The following NISCH variants were observed in gnomAD, a reference collection of about 807,000 sequenced individuals.
NISCH encodes the protein I-1 receptor candidate protein.
Under a neutral mutation model 138.4 loss-of-function variants are expected in NISCH, and 55 were observed. The observed-to-expected ratio is 0.40, with a 90% CI of 0.32 to 0.50. The LOEUF is 0.50. NISCH is among the 20% of genes least tolerant of loss of function. The pLI is 0.71. For missense variants in NISCH, 1,643 were observed against 2,005.5 expected, an observed-to-expected ratio of 0.82 and a Z score of 3.45; for synonymous variants, 860 against 861.5, an observed-to-expected ratio of 1.00 and a Z score of 0.03.
intron 8 of NISCH, among the ~76,000 whole-genome samples, 196 bp downstream of exon 8, chr3:52,476,795 A>T (rs1463584103): frequency 6.6e-6 from 1 of 152,156 alleles, no homozygotes; most frequent in Non-Finnish European, 1.5e-5. Context: ...GCACTTTGGG[A>T]GGCCGAGGCG....
intron 17 of NISCH, 90 bp from the exon 18 acceptor site, chr3:52,489,985 C>G: frequency 6.5e-7 from 1 of 1,543,796 alleles, no homozygotes; most frequent in Non-Finnish European, 8.8e-7. Flanking sequence ...AGAGGGGCTT[C>G]CCATGTCTCC....
rs1486214450 is a variant in NISCH at position 52,493,052 on chromosome 3, CAG to C, written c.*573_*574del. The C allele has an allele frequency of 6.5e-6, 1 of 155,036 alleles. No individual in the cohort carries two copies. The highest frequency in any genetic ancestry group is 2.4e-5 in the African/African-American group (1 of 41,456). 9.6% of individuals were successfully genotyped at this position (155,036 alleles called of 1,614,324 possible). A position where few individuals can be genotyped will look rare whatever the true frequency, so the allele number is the denominator to read the frequency against. On this transcript the variant is annotated 3_prime_UTR_variant, in exon 21 of 21. Coordinates refer to ENST00000345716, the MANE Select transcript of NISCH (RefSeq NM_007184.4). Reference sequence around the variant, plus strand: ...GCCTGTATTCTCTATTCCAATAAAGCAGAGTTTGACACCGTCTGCATCTTCTA... The same window carrying C: ...GCCTGTATTCTCTATTCCAATAAAGCAGTTTGACACCGTCTGCATCTTCTA...
At chr3:52,461,698 C>T (rs1706636339) in intron 3 of NISCH, among the ~76,000 whole-genome samples, 1 of 151,966 alleles carries the variant, frequency 6.6e-6, no homozygotes, top group Non-Finnish European at 1.5e-5. Context: ...CCCGTCTCTA[C>T]TAAAAATACA....
chr3:52,486,161 G>A (rs1366438690), intron 15 of NISCH, among the ~76,000 whole-genome samples: 1 of 152,202 alleles, frequency 6.6e-6, no homozygotes, highest in Admixed American at 6.5e-5. Flanking sequence ...CCAGGCTGGA[G>A]TGCAGTGGCG....
intron 13 of NISCH, among the ~76,000 whole-genome samples, chr3:52,484,030 A>G (rs1369552967): frequency 6.6e-6 from 1 of 152,280 alleles, no homozygotes; most frequent in African/African-American, 2.4e-5. Flanking sequence ...TTCATGTTCT[A>G]TCCGCTGGCC....
chr3:52,476,457 T>C lies in NISCH; in HGVS notation c.776T>C (p.Val259Ala). The change falls in exon 8 of 21, where the codon GTT becomes GCT. Residue 259 changes from valine (V) to alanine (A), a missense_variant. Coordinates refer to ENST00000345716, the MANE Select transcript of NISCH (RefSeq NM_007184.4). ...GATGTTTTTATGCAGGAAGTCCTTGTTCCTGAAGCCTCAGAATTTGATGAG... is the reference window on the plus strand; with the variant it reads ...GATGTTTTTATGCAGGAAGTCCTTGCTCCTGAAGCCTCAGAATTTGATGAG... ...FSATSMKEVL[V>A]PEASEFDEWE... 3 of 1,614,130 alleles carry C rather than the reference T, an allele frequency of 1.9e-6. No homozygotes were observed. Among genetic ancestry groups the C allele is most frequent in the Non-Finnish European group, 2.5e-6 (3 of 1,179,982 alleles).
In NISCH at chr3:52,478,466, C is replaced by T; in HGVS notation, c.1191C>T (p.Ser397=). 6.2e-7 allele frequency: 1 copy of T among 1,614,146 alleles called. No individual in the cohort carries two copies. The highest frequency in any genetic ancestry group is 8.5e-7 in the Non-Finnish European group (1 of 1,180,010). The change falls in exon 11 of 21, where the codon AGC becomes AGT. Residue 397 remains serine, a synonymous_variant. Coordinates refer to ENST00000345716, the MANE Select transcript of NISCH (RefSeq NM_007184.4). The part of the protein sequence containing the change: ...NRIEQMEEVR[S]IGSLPCLEHV... The stretch of plus-strand genomic sequence containing the variant: ...CCTTGCAGATGGAGGAGGTCCGGAG[C>T]ATAGGCAGCCTCCCGTGTCTGGAGC...
rs758524376 is a variant in NISCH, at chr3:52,487,311, A to T, written c.1819A>T (p.Ser607Cys). The T allele has an allele frequency of 1.2e-6, 2 of 1,614,192 alleles. No homozygotes were observed. The stretch of plus-strand genomic sequence containing the variant: ...CAATCAGGACTTCATCCAGCGCCTG[A>T]GCACACTGATCCGGCAGGCCATCGA... ...ATNQDFIQRL[S>C]TLIRQAIERQ... Residue 607 changes from serine (S) to cysteine (C), a missense_variant, in exon 16 of 21, where the codon AGC (serine) becomes TGC (cysteine). By Grantham distance (112) the Ser-to-Cys change is moderately radical. Coordinates refer to ENST00000345716, the MANE Select transcript of NISCH (RefSeq NM_007184.4). The surrounding 1 kb of genome is among the most constrained non-coding windows in gnomAD (Gnocchi z 9.1).
Position 52,488,469 on chromosome 3 carries a change from C to T in NISCH, c.2977C>T (p.His993Tyr), listed in dbSNP as rs1211415885. The T allele has an allele frequency of 3.1e-6, 5 of 1,613,596 alleles. No homozygotes were observed. The highest frequency in any genetic ancestry group is 4.2e-6 in the Non-Finnish European group (5 of 1,180,002). ...AIFVLPHEKF[H>Y]FLRVYNQLRA... Reference sequence around the variant, plus strand: ...CTTCGTGCTGCCCCACGAGAAGTTCCACTTCCTGCGCGTCTACAACCAGCT... The same window carrying T: ...CTTCGTGCTGCCCCACGAGAAGTTCTACTTCCTGCGCGTCTACAACCAGCT... Residue 993 changes from histidine (H) to tyrosine (Y), a missense_variant, in exon 16 of 21, where the codon CAC (histidine) becomes TAC (tyrosine). His to Tyr is a moderately conservative substitution (Grantham distance 83). Transcript: ENST00000345716.
At chr3:52,483,689 C>A (rs1351507049) in intron 13 of NISCH, among the ~76,000 whole-genome samples, 1 of 152,248 alleles carries the variant, frequency 6.6e-6, no homozygotes, top group African/African-American at 2.4e-5. Flanking sequence ...TGCTGGATAC[C>A]AAGGCCTGCA....
rs60665579 is a variant in NISCH, at chr3:52,492,826, T to TTGTTGC, written c.*380_*385dup. ...TTCCTGAAGTGTCGAGTCCAGTCCTTTGTTGCTGTTGCTGTTGCTGTTGCT... is the reference window on the plus strand; with the variant it reads ...TTCCTGAAGTGTCGAGTCCAGTCCTTTGTTGCTGTTGCTGTTGCTGTTGCTGTTGCT... On this transcript the variant is annotated 3_prime_UTR_variant, in exon 21 of 21. Coordinates refer to ENST00000345716, the MANE Select transcript of NISCH (RefSeq NM_007184.4). 4.3e-3 allele frequency: 891 copies of TTGTTGC among 208,856 alleles called. 4 individuals are homozygous for TTGTTGC. The highest frequency in any genetic ancestry group is 0.011 in the African/African-American group (452 of 42,828). 12.9% of individuals were successfully genotyped at this position (208,856 alleles called of 1,614,324 possible).
At chr3:52,472,947 G>A (rs1047920832) in intron 6 of NISCH, among the ~76,000 whole-genome samples, 7 of 152,214 alleles carry the variant, frequency 4.6e-5, no homozygotes, top group African/African-American at 1.7e-4. Flanking sequence ...TGGCTTTTGT[G>A]TTCTGCCCTG....
intron 14 of NISCH, 80 bp downstream of exon 14, chr3:52,484,717 G>T: frequency 6.5e-7 from 1 of 1,548,578 alleles, no homozygotes. Flanking sequence ...AGTAGGAAGT[G>T]GCCTAGCTGG....
intron 3 of NISCH, among the ~76,000 whole-genome samples, 170 bp downstream of exon 3, chr3:52,459,014 A>T (rs896531655): frequency 9.2e-5 from 14 of 152,196 alleles, no homozygotes; most frequent in Admixed American, 4.6e-4. Flanking sequence ...GAAGCATGTT[A>T]GTTGACAGAT....
rs758007261 is a variant in NISCH at position 52,457,872 on chromosome 3, C to A, written c.123C>A (p.Ser41Arg). 3.1e-6 allele frequency: 5 copies of A among 1,612,064 alleles called. No homozygotes were observed. The highest frequency in any genetic ancestry group is 2.7e-5 in the African/African-American group (2 of 74,898). ...ACATCATCCAGGTCACTGATGGCAGCCATGAGTGGACAGTAAAGCACCGCT... is the reference window on the plus strand; with the variant it reads ...ACATCATCCAGGTCACTGATGGCAGACATGAGTGGACAGTAAAGCACCGCT... ...TVYIIQVTDG[S>R]HEWTVKHRYS... The change falls in exon 2 of 21, where the codon AGC becomes AGA. Residue 41 changes from serine (S) to arginine (R), a missense_variant. Physicochemically the swap from Ser to Arg is moderately radical, Grantham distance 110. Coordinates refer to ENST00000345716, the MANE Select transcript of NISCH (RefSeq NM_007184.4).
At chr3:52,484,462 T>TGGGGCCCCCCCCCCCCCCCCCCCC in intron 13 of NISCH, 51 bp from the exon 14 acceptor site, 2 of 788,670 alleles carry the variant, frequency 2.5e-6, no homozygotes, top group Non-Finnish European at 3.7e-6. Flanking sequence ...ACAGCCGCTC[T>TGGGGCCCCCCCCCCCCCCCCCCCC]CCCCGCCCCA....
chr3:52,474,896 G>A (rs1237669371), intron 7 of NISCH, among the ~76,000 whole-genome samples: 1 of 152,220 alleles, frequency 6.6e-6, no homozygotes, highest in African/African-American at 2.4e-5. Context: ...AGGTGAGGTT[G>A]TGGAAATGCT....
intron 6 of NISCH, among the ~76,000 whole-genome samples, chr3:52,473,144 A>G (rs1353229151): frequency 6.6e-6 from 1 of 152,234 alleles, no homozygotes; most frequent in Non-Finnish European, 1.5e-5. Flanking sequence ...TCTGCTGTGC[A>G]CTGGGCTGTT....
chr3:52,468,718 G>T (rs1055355614), intron 3 of NISCH, among the ~76,000 whole-genome samples: 1 of 152,086 alleles, frequency 6.6e-6, no homozygotes, highest in African/African-American at 2.4e-5. Context: ...GTGGCTCTGT[G>T]TGCTCATTTT....
Sources: allele counts gnomAD v4.1 joint callset (sites outside exome capture counted in the v4.1 genomes callset), GRCh38; gene constraint gnomAD v4.1.1; non-coding constraint Gnocchi (gnomAD v3.1); transcripts MANE v1.5; gene names NCBI Gene and HGNC (gene_info 2026-07-23, HGNC 2026-07-21).